LINGO2: variants seen among roughly 807,000 people sequenced by gnomAD.
LINGO2 encodes the protein leucine-rich repeat and immunoglobulin-like domain-containing nogo receptor-interacting protein 2.
A neutral mutation model predicts 30.6 loss-of-function variants in LINGO2; 14 were observed. The ratio of observed to expected loss-of-function variants is 0.46; its 90% CI spans 0.30 to 0.72. LINGO2 has a LOEUF of 0.72. Ranked by LOEUF, LINGO2 falls within the 30% of genes least tolerant of loss-of-function variation. The probability of loss-of-function intolerance (pLI) is 0.07; values close to 1 mark genes in which losing one functional copy is unlikely to be tolerated. For synonymous variants in LINGO2, 317 were observed against 288.5 expected, an observed-to-expected ratio of 1.10 and a Z score of -1.00; for missense variants, 729 against 751.7, an observed-to-expected ratio of 0.97 and a Z score of 0.35.
At chr9:29,091,274 A>C in the LINGO2 span, among the ~76,000 whole-genome samples, 1 of 152,054 alleles carries the variant, frequency 6.6e-6, no homozygotes, top group Non-Finnish European at 1.5e-5. Flanking sequence ...TATGCTTCTC[A>C]GTTGTGCCAA....
At chr9:28,587,934 A>G (rs1824648711) in intron 1 of LINGO2, among the ~76,000 whole-genome samples, 1 of 151,982 alleles carries the variant, frequency 6.6e-6, no homozygotes, top group Admixed American at 6.6e-5. Context: ...TCCTGTGGAC[A>G]CCGAGTTGGA....
the LINGO2 span, among the ~76,000 whole-genome samples, chr9:28,855,661 A>G: frequency 1.1e-4 from 17 of 152,008 alleles, no homozygotes; most frequent in African/African-American, 3.9e-4. Context: ...ACATACACAC[A>G]CACACATACA....
intron 5 of LINGO2, among the ~76,000 whole-genome samples, chr9:27,965,472 TTTG>T (rs1423955207): frequency 1.3e-5 from 2 of 151,926 alleles, no homozygotes; most frequent in Admixed American, 1.3e-4. Flanking sequence ...TGGGTTATGC[TTTG>T]TTATCTTTTT....
At chr9:28,025,495 G>T (rs1823332256) in intron 4 of LINGO2, among the ~76,000 whole-genome samples, 1 of 152,152 alleles carries the variant, frequency 6.6e-6, no homozygotes, top group Admixed American at 6.5e-5. Flanking sequence ...ACTCCATCAT[G>T]AGAGGCCTGT....
chr9:28,964,615 A>T, the LINGO2 span, among the ~76,000 whole-genome samples: 2 of 152,096 alleles, frequency 1.3e-5, no homozygotes, highest in East Asian at 3.9e-4. Flanking sequence ...AGTTTTAAAC[A>T]GATCATTGTA....
intron 3 of LINGO2, among the ~76,000 whole-genome samples, chr9:28,346,104 T>C (rs1401107148): frequency 6.6e-6 from 1 of 152,192 alleles, no homozygotes; most frequent in African/African-American, 2.4e-5. Context: ...ATGTGCAGGT[T>C]TGTTATATAA....
At chr9:28,582,984 C>G (rs933579461) in intron 1 of LINGO2, among the ~76,000 whole-genome samples, 1 of 151,820 alleles carries the variant, frequency 6.6e-6, no homozygotes. Context: ...AAATTATACA[C>G]AGTATAATTC....
chr9:28,761,985 G>A, the LINGO2 span, among the ~76,000 whole-genome samples: 1 of 151,698 alleles, frequency 6.6e-6, no homozygotes, highest in African/African-American at 2.4e-5. Flanking sequence ...GTGGTTTAAT[G>A]CTTATTCAAT....
the LINGO2 span, among the ~76,000 whole-genome samples, chr9:28,899,990 A>T: frequency 6.6e-6 from 1 of 152,144 alleles, no homozygotes; most frequent in Non-Finnish European, 1.5e-5. Context: ...ATCAGGTTCC[A>T]GGTCAGCCCC....
chr9:27,965,787 C>T (rs1404412047), intron 5 of LINGO2, among the ~76,000 whole-genome samples: 2 of 152,008 alleles, frequency 1.3e-5, no homozygotes, highest in African/African-American at 2.4e-5. Flanking sequence ...TGATTTTTGT[C>T]TAGCTTTGAG....
At chr9:28,960,095 A>C in the LINGO2 span, among the ~76,000 whole-genome samples, 1 of 152,226 alleles carries the variant, frequency 6.6e-6, no homozygotes, top group Non-Finnish European at 1.5e-5. Context: ...AAAAAAGTAC[A>C]TAGAAATTCT....
the LINGO2 span, among the ~76,000 whole-genome samples, chr9:28,735,253 A>C: frequency 6.6e-6 from 1 of 152,148 alleles, no homozygotes; most frequent in South Asian, 2.1e-4. Flanking sequence ...TCATTGGCAC[A>C]CTTCTCTAGA....
the LINGO2 span, among the ~76,000 whole-genome samples, chr9:29,131,933 T>C: frequency 6.6e-6 from 1 of 151,322 alleles, no homozygotes; most frequent in Non-Finnish European, 1.5e-5. Context: ...TTTGATTCCC[T>C]GGTACAAAAA....
intron 2 of LINGO2, among the ~76,000 whole-genome samples, chr9:28,458,380 C>A (rs1396642324): frequency 6.6e-6 from 1 of 152,170 alleles, no homozygotes; most frequent in Non-Finnish European, 1.5e-5. Context: ...TCATTAACTA[C>A]ATTTTCTGTG....
At chr9:28,080,556 C>A (rs1189943766) in intron 4 of LINGO2, 3 of 152,134 alleles carry the variant, frequency 2.0e-5, no homozygotes, top group African/African-American at 7.2e-5. Context: ...CAGTTACTAC[C>A]AGCACATCCT....
intron 1 of LINGO2, among the ~76,000 whole-genome samples, chr9:28,486,338 G>T (rs543850841): frequency 1.5e-4 from 23 of 152,100 alleles, no homozygotes; most frequent in Non-Finnish European, 1.5e-5. Context: ...GTTATGTTTG[G>T]CAATTTGTGT....
chr9:29,098,473 A>G, the LINGO2 span, among the ~76,000 whole-genome samples: 22 of 151,426 alleles, frequency 1.5e-4, no homozygotes, highest in East Asian at 1.9e-3. Flanking sequence ...ACATATGCGC[A>G]CACACACACA....
the LINGO2 span, among the ~76,000 whole-genome samples, chr9:28,781,277 G>C: frequency 3.3e-5 from 5 of 152,036 alleles, no homozygotes; most frequent in Non-Finnish European, 5.9e-5. Flanking sequence ...GCCAGATGCC[G>C]GGCTCTTATA....
chr9:28,218,290 T>C (rs1820839074), intron 4 of LINGO2, among the ~76,000 whole-genome samples: 1 of 151,378 alleles, frequency 6.6e-6, no homozygotes, highest in South Asian at 2.1e-4. Flanking sequence ...AATTTTTTTT[T>C]TAGTTATGGA....
Sources: gnomAD v4.1 joint callset for allele counts (sites outside exome capture counted in the v4.1 genomes callset) on GRCh38, gnomAD v4.1.1 for gene constraint, MANE v1.5 for transcripts, NCBI Gene and HGNC (gene_info 2026-07-23, HGNC 2026-07-21) for gene names.